Variants in TMEM181 observed in about 807,000 individuals in gnomAD.
TMEM181 encodes G protein-coupled receptor 178.
A neutral mutation model predicts 71.9 loss-of-function variants in TMEM181; 39 were observed. The observed-to-expected ratio is 0.54, with a 90% CI of 0.42 to 0.71. The LOEUF (loss-of-function observed/expected upper bound fraction) is 0.71. TMEM181 is among the 30% of genes least tolerant of loss of function. TMEM181 has a pLI of 0.00. For synonymous variants in TMEM181, 245 were observed against 228.8 expected (o/e 1.07, Z -0.64); for missense variants, 595 against 583.0 (o/e 1.02, Z -0.21).
chr6:158,548,225 C>G (rs1781600987), intron 1 of TMEM181, among the ~76,000 whole-genome samples: 1 of 152,306 alleles, frequency 6.6e-6, no homozygotes, highest in East Asian at 1.9e-4. Flanking sequence ...GGCCCACGTG[C>G]ACCCTCTGAA....
chr6:158,560,320 G>T, intron 1 of TMEM181, 88 bp downstream of exon 1: 4 of 985,060 alleles, frequency 4.1e-6, no homozygotes, highest in Non-Finnish European at 4.8e-6. Context: ...GCGCCGTGCC[G>T]CAGGGTCCCT....
At chr6:158,611,626 C>T (rs1785317077) in intron 10 of TMEM181, 1 of 339,392 alleles carries the variant, frequency 2.9e-6, no homozygotes, top group South Asian at 2.5e-5. Flanking sequence ...GGGGTTCCCC[C>T]TGACGAAAGG....
intron 1 of TMEM181, among the ~76,000 whole-genome samples, chr6:158,560,447 C>G (rs1016958927): frequency 1.3e-5 from 2 of 152,150 alleles, no homozygotes; most frequent in African/African-American, 4.8e-5. Context: ...TCCCTCCTGC[C>G]TGCCCGCCCG....
chr6:158,549,837 T>G (rs1781662183), intron 1 of TMEM181, among the ~76,000 whole-genome samples: 1 of 152,160 alleles, frequency 6.6e-6, no homozygotes, highest in Admixed American at 6.5e-5. Context: ...GGTGACGGCC[T>G]TTATGCAACG....
In TMEM181 at chr6:158,589,669, C is replaced by T; in HGVS notation, c.382-3C>T. ...AAAGGCAAATCTTTCTGTGTATTTG[C>T]AGAAATGTGCGGAGATTATTGTGGC... On this transcript the variant is annotated splice_region_variant and splice_polypyrimidine_tract_variant and intron_variant, in intron 5 of 16. Coordinates refer to ENST00000684151, the MANE Select transcript of TMEM181 (RefSeq NM_001376852.1). 1 of 1,611,562 alleles carries T rather than the reference C, an allele frequency of 6.2e-7. No individual in the cohort carries two copies.
chr6:158,554,779 C>A (rs1211225381), intron 1 of TMEM181, among the ~76,000 whole-genome samples: 1 of 152,182 alleles, frequency 6.6e-6, no homozygotes, highest in African/African-American at 2.4e-5. Flanking sequence ...AAATATCTTA[C>A]AGCTTTCATT....
At chr6:158,555,242 C>T (rs1367084632), upstream of TMEM181, among the ~76,000 whole-genome samples, 1 of 152,190 alleles carries the variant, frequency 6.6e-6, no homozygotes, top group Non-Finnish European at 1.5e-5. Context: ...CAGACAGAGA[C>T]ACCTTATATT....
At chr6:158,561,021 G>A (rs983169962) in intron 1 of TMEM181, among the ~76,000 whole-genome samples, 2 of 152,170 alleles carry the variant, frequency 1.3e-5, no homozygotes, top group African/African-American at 2.4e-5. Flanking sequence ...GAGAAGGAGT[G>A]GCCCATATGT....
intron 1 of TMEM181, among the ~76,000 whole-genome samples, chr6:158,546,151 G>A (rs1781520256): frequency 6.6e-6 from 1 of 152,168 alleles, no homozygotes; most frequent in Middle Eastern, 3.2e-3. Context: ...GAAAGGTCAA[G>A]CATGCTCCTG....
intron 13 of TMEM181, among the ~76,000 whole-genome samples, chr6:158,627,981 C>G (rs1473937171): frequency 6.6e-6 from 1 of 152,164 alleles, no homozygotes; most frequent in Non-Finnish European, 1.5e-5. Flanking sequence ...GGAGGCGTCC[C>G]TGTGTCTGAA....
intron 10 of TMEM181, among the ~76,000 whole-genome samples, chr6:158,619,697 C>G (rs1016366933): frequency 6.6e-6 from 1 of 151,846 alleles, no homozygotes; most frequent in Admixed American, 6.6e-5. Flanking sequence ...GGTGAAATGC[C>G]GTCTGTACTA....
At chr6:158,571,504 T>A (rs1390681048) in intron 1 of TMEM181, among the ~76,000 whole-genome samples, 1 of 139,922 alleles carries the variant, frequency 7.1e-6, no homozygotes, top group Non-Finnish European at 1.6e-5. Flanking sequence ...TTCATCGTGT[T>A]GGCCAGGATG....
At chr6:158,541,854 G>A (rs1300737354) in intron 1 of TMEM181, among the ~76,000 whole-genome samples, 1 of 150,818 alleles carries the variant, frequency 6.6e-6, no homozygotes, top group East Asian at 1.9e-4. Context: ...TCTTTTTTTG[G>A]TGGGAGGAGA....
intron 1 of TMEM181, among the ~76,000 whole-genome samples, chr6:158,549,799 T>C (rs1375773294): frequency 6.6e-6 from 1 of 152,166 alleles, no homozygotes; most frequent in Non-Finnish European, 1.5e-5. Flanking sequence ...GCAGGTGTTG[T>C]TGCAGGAGTA....
At chr6:158,557,505 A>ATTATTTAGTTATTTAT (rs1781939490), upstream of TMEM181, among the ~76,000 whole-genome samples, 1 of 146,834 alleles carries the variant, frequency 6.8e-6, no homozygotes, top group African/African-American at 2.5e-5. Context: ...CACAGCTGTA[A>ATTATTTAGTTATTTAT]TTATTTATTT....
chr6:158,627,421 A>G (rs1786381036), intron 13 of TMEM181, among the ~76,000 whole-genome samples: 1 of 152,256 alleles, frequency 6.6e-6, no homozygotes, highest in Non-Finnish European at 1.5e-5. Flanking sequence ...GACGAGTGGC[A>G]AACAACTAAA....
At chr6:158,602,976 C>T (rs1324127231) in intron 6 of TMEM181, among the ~76,000 whole-genome samples, 3 of 152,150 alleles carry the variant, frequency 2.0e-5, no homozygotes, top group African/African-American at 4.8e-5. Context: ...TCCTTATCTT[C>T]GTCTAATGTA....
chr6:158,626,434 G>A, intron 13 of TMEM181: 1 of 456,712 alleles, frequency 2.2e-6, no homozygotes, highest in South Asian at 1.5e-5. Flanking sequence ...TTTTTAGGTT[G>A]TTTGGATGGC....
intron 7 of TMEM181, among the ~76,000 whole-genome samples, chr6:158,605,936 T>C (rs1284688450): frequency 6.6e-6 from 1 of 152,192 alleles, no homozygotes; most frequent in East Asian, 1.9e-4. Flanking sequence ...GTGTGCTTCA[T>C]TTAGTGATCT....
Sources: allele counts gnomAD v4.1 joint callset (sites outside exome capture counted in the v4.1 genomes callset), GRCh38; gene constraint gnomAD v4.1.1; transcripts MANE v1.5; gene names NCBI Gene and HGNC (gene_info 2026-07-23, HGNC 2026-07-21).